Variants in CDK13 observed in about 807,000 individuals in gnomAD.
CDK13 encodes the protein cyclin-dependent kinase 13.
In CDK13, 40 loss-of-function variants were observed where a neutral mutation model predicts 137.6. The observed-to-expected ratio is 0.29, with a 90% CI of 0.23 to 0.38. The LOEUF (loss-of-function observed/expected upper bound fraction) is 0.38, where lower values mean the gene tolerates loss of function less well. CDK13 is among the 10% of genes least tolerant of loss of function. CDK13 has a pLI of 1.00. For missense variants in CDK13, 1,704 were observed against 1,951.8 expected (o/e 0.87, Z 2.39); for synonymous variants, 869 against 760.1 (o/e 1.14, Z -2.36).
chr7:39,963,682 A>ATC (rs1053782045), intron 1 of CDK13, among the ~76,000 whole-genome samples: 102 of 152,304 alleles, frequency 6.7e-4, no homozygotes, highest in Middle Eastern at 3.4e-3. Context: ...GTGGTGAGAG[A>ATC]GGGCATCCCT....
intron 5 of CDK13, among the ~76,000 whole-genome samples, chr7:40,037,326 A>C (rs1242857631): frequency 6.6e-6 from 1 of 152,130 alleles, no homozygotes; most frequent in African/African-American, 2.4e-5. Flanking sequence ...TGTCGTTAGA[A>C]GGCTTGACTG....
chr7:40,040,664 TGTTTATA>T lies in CDK13; in HGVS notation c.2354-5166_2354-5160del, dbSNP rs375130771. On this transcript the variant is annotated intron_variant, in intron 5 of 13. Transcript: ENST00000181839. ...TGTGTACTTTTCTGTCTTGTAAGAGTGTTTATAGTTTAAAGGATTTCTCACATTTCTT... is the reference window on the plus strand; with the variant it reads ...TGTGTACTTTTCTGTCTTGTAAGAGTGTTTAAAGGATTTCTCACATTTCTT... 6.8e-3 allele frequency among the ~76,000 whole-genome samples: 1,030 copies of T among 152,208 alleles called. 12 individuals are homozygous for T. The highest frequency in any genetic ancestry group is 0.023 in the African/African-American group (956 of 41,534).
At chr7:39,999,112 C>T (rs1784626111) in intron 3 of CDK13, 3 of 301,688 alleles carry the variant, frequency 9.9e-6, no homozygotes, top group South Asian at 1.5e-4. Flanking sequence ...ACAAGCTCTA[C>T]TACTTTTTTT....
Position 40,060,100 on chromosome 7 carries a change from A to G in CDK13, c.2601-2726A>G, listed in dbSNP as rs371663464. ...CATTATAGCAATTAATAAAAAGTAT[A>G]TTCTAGTTTGCTAAGGTGACTGCTA... On this transcript the variant is annotated intron_variant, in intron 7 of 13. Coordinates refer to ENST00000181839, the MANE Select transcript of CDK13 (RefSeq NM_003718.5). 3.9e-4 allele frequency among the ~76,000 whole-genome samples: 60 copies of G among 152,306 alleles called. 1 individual carries two copies. In the South Asian group the frequency reaches 0.012, roughly 30 times the overall value.
intron 1 of CDK13, among the ~76,000 whole-genome samples, chr7:39,958,355 C>G (rs1787489953): frequency 6.6e-6 from 1 of 152,014 alleles, no homozygotes; most frequent in East Asian, 1.9e-4. Context: ...TGTTACTGCT[C>G]TTTATTATTT....
intron 5 of CDK13, among the ~76,000 whole-genome samples, chr7:40,019,203 G>T (rs889028732): frequency 2.0e-5 from 3 of 152,150 alleles, no homozygotes; most frequent in African/African-American, 7.2e-5. Context: ...CTTAATAGTA[G>T]CCACAGTCTT....
rs143341286 is a variant in CDK13, at chr7:40,092,589, T to A, written c.3236-196T>A. On this transcript the variant is annotated intron_variant, in intron 12 of 13. Coordinates refer to ENST00000181839, the MANE Select transcript of CDK13 (RefSeq NM_003718.5). Reference sequence around the variant, plus strand: ...CCCTAAAGATTTATTCAAAATTGACTGCAGTTCTTTTTATGTACAGGTACA... The same window carrying A: ...CCCTAAAGATTTATTCAAAATTGACAGCAGTTCTTTTTATGTACAGGTACA... 5.5e-6 allele frequency: 3 copies of A among 544,184 alleles called. No individual in the cohort carries two copies. In the African/African-American group the frequency reaches 5.6e-5, roughly 10 times the overall value. The allele number at this position is 544,184 out of a possible 1,614,324, so 33.7% of individuals were successfully genotyped here.
intron 1 of CDK13, among the ~76,000 whole-genome samples, chr7:39,953,834 G>C (rs1000969433): frequency 3.0e-4 from 45 of 152,158 alleles, no homozygotes; most frequent in Non-Finnish European, 5.6e-4. Context: ...TCTAGAGGTG[G>C]GAAGCACGTT....
At position 40,099,319 on chromosome 7, in the gene CDK13, C is replaced by T. The variant is rs183148714; in HGVS notation, c.*4339C>T. 6.6e-6 allele frequency: 1 copy of T among 152,242 alleles called. No individual in the cohort carries two copies. The highest frequency in any genetic ancestry group is 6.5e-5 in the Admixed American group (1 of 15,294). 9.4% of individuals were successfully genotyped at this position (152,242 alleles called of 1,614,324 possible). On this transcript the variant is annotated 3_prime_UTR_variant, in exon 14 of 14. Coordinates refer to ENST00000181839, the MANE Select transcript of CDK13 (RefSeq NM_003718.5). ...GACTAACAGAGTCTGCAGGTCTTAA[C>T]TCATTTCAGCCTGTCAAATGTGCAA...
At chr7:39,972,674 T>TA (rs1450309757) in intron 1 of CDK13, among the ~76,000 whole-genome samples, 1 of 152,260 alleles carries the variant, frequency 6.6e-6, no homozygotes, top group East Asian at 1.9e-4. Context: ...ATTGGCCAAA[T>TA]ATCCCATTGT....
intron 5 of CDK13, among the ~76,000 whole-genome samples, chr7:40,008,139 T>A (rs1351952249): frequency 6.6e-6 from 1 of 152,258 alleles, no homozygotes; most frequent in Non-Finnish European, 1.5e-5. Flanking sequence ...TTGTTCATTC[T>A]TTCTTTCCAC....
chr7:39,951,998 G>T, intron 1 of CDK13, 146 bp downstream of exon 1: 1 of 865,650 alleles, frequency 1.2e-6, no homozygotes, highest in Non-Finnish European at 1.5e-6. Flanking sequence ...AGGAAGGATA[G>T]GCGTTTTCGC....
intron 5 of CDK13, among the ~76,000 whole-genome samples, chr7:40,020,193 A>T (rs1785083602): frequency 1.3e-5 from 2 of 151,924 alleles, no homozygotes. Flanking sequence ...TCAGCTTCCC[A>T]AGTAGCTGGG....
At chr7:40,036,925 C>A (rs955997452) in intron 5 of CDK13, among the ~76,000 whole-genome samples, 14 of 152,118 alleles carry the variant, frequency 9.2e-5, no homozygotes, top group Non-Finnish European at 1.5e-5. Flanking sequence ...TTTTTTATAG[C>A]TGCTTTGTTT....
At chr7:40,046,943 T>G (rs1431619311) in intron 6 of CDK13, among the ~76,000 whole-genome samples, 13 of 132,246 alleles carry the variant, frequency 9.8e-5, no homozygotes, top group Non-Finnish European at 1.5e-4. Context: ...TGGAGTTGAG[T>G]GGAGTCAGTG....
Position 39,951,859 on chromosome 7 carries a change from T to C in CDK13, c.1211+7T>C, listed in dbSNP as rs2116074328. 7.4e-7 allele frequency: 1 copy of C among 1,357,744 alleles called. No homozygotes were observed. The highest frequency in any genetic ancestry group is 9.5e-7 in the Non-Finnish European group (1 of 1,053,910). The allele number at this position is 1,357,744 out of a possible 1,614,324, so 84.1% of individuals were successfully genotyped here. The stretch of plus-strand genomic sequence containing the variant: ...CCTACAGCCCTGTGCTCAGGTGAGT[T>C]CTGCCGTTCTGCCTGTGTGTGCCTT... On this transcript the variant is annotated splice_region_variant and intron_variant, in intron 1 of 13. Transcript: ENST00000181839.
chr7:39,950,589 C>T lies in CDK13; in HGVS notation c.-53C>T. The T allele has an allele frequency of 3.1e-6, 4 of 1,288,820 alleles. No individual in the cohort carries two copies. Among genetic ancestry groups the T allele is most frequent in the Non-Finnish European group, 3.9e-6 (4 of 1,018,832 alleles). 79.8% of individuals were successfully genotyped at this position (1,288,820 alleles called of 1,614,324 possible). ...TTCCGGCGGGGGAGATGGCCAGGAT[C>T]TGACCCGGGAGGAGGCCGCACCCGC... On this transcript the variant is annotated 5_prime_UTR_variant, in exon 1 of 14. Transcript: ENST00000181839.
At chr7:39,961,633 T>TC (rs1562699256) in intron 1 of CDK13, among the ~76,000 whole-genome samples, 1 of 108,342 alleles carries the variant, frequency 9.2e-6, no homozygotes, top group Admixed American at 8.6e-5. Context: ...ATAATTTACT[T>TC]CTTTTTTTTT....
At position 40,010,312 on chromosome 7, in the gene CDK13, A is replaced by G. The variant is rs144768248; in HGVS notation, c.2353+8281A>G. On this transcript the variant is annotated intron_variant, in intron 5 of 13. Coordinates refer to ENST00000181839, the MANE Select transcript of CDK13 (RefSeq NM_003718.5). The stretch of plus-strand genomic sequence containing the variant: ...AGTTCATACTAGAGTTTGTGCTCCT[A>G]TGAGAATCTGATGCTGCTGCTGATC... Among the ~76,000 whole-genome samples the G allele has an allele frequency of 7.7e-3, 1,176 of 152,218 alleles. 15 individuals carry two copies. The highest frequency in any genetic ancestry group is 0.027 in the African/African-American group (1,118 of 41,538).
Sources: allele counts gnomAD v4.1 joint callset (sites outside exome capture counted in the v4.1 genomes callset), GRCh38; gene constraint gnomAD v4.1.1; transcripts MANE v1.5; gene names NCBI Gene and HGNC (gene_info 2026-07-23, HGNC 2026-07-21).